HDHD5: variants seen among roughly 807,000 people sequenced by gnomAD.
HDHD5 encodes haloacid dehalogenase-like hydrolase domain-containing 5.
HDHD5 carries 34 observed loss-of-function variants against 35.5 expected under a neutral mutation model. The ratio of observed to expected loss-of-function variants is 0.96; its 90% CI spans 0.73 to 1.28. HDHD5 has a LOEUF of 1.28. Ranked by LOEUF, HDHD5 falls within the 50% of genes most tolerant of loss-of-function variation. The pLI, the probability that HDHD5 is intolerant of heterozygous loss-of-function variation, is 0.00. For missense variants in HDHD5, 589 were observed against 560.2 expected, an observed-to-expected ratio of 1.05 and a Z score of -0.52; for synonymous variants, 248 against 240.6, an observed-to-expected ratio of 1.03 and a Z score of -0.29.
intron 5 of HDHD5, chr22:17,142,786 T>C (rs1409586137): frequency 3.4e-6 from 1 of 297,642 alleles, no homozygotes; most frequent in Non-Finnish European, 6.2e-6. Context: ...ATTCCAATGT[T>C]CTTGGTATAA....
intron 1 of HDHD5, among the ~76,000 whole-genome samples, chr22:17,154,281 G>C (rs995288967): frequency 2.0e-5 from 3 of 151,672 alleles, no homozygotes; most frequent in African/African-American, 7.3e-5. Context: ...TTGGGAGTTC[G>C]AGACCAGCCT....
intron 1 of HDHD5, among the ~76,000 whole-genome samples, chr22:17,153,076 G>C (rs967924313): frequency 6.6e-6 from 1 of 152,190 alleles, no homozygotes; most frequent in Non-Finnish European, 1.5e-5. Context: ...TGGACAAATG[G>C]TGCCTCTAAC....
chr22:17,137,662 AGGCTCTGC>A lies in HDHD5; in HGVS notation c.*351_*358del. On this transcript the variant is annotated 3_prime_UTR_variant, in exon 8 of 8. Coordinates refer to ENST00000336737, the MANE Select transcript of HDHD5 (RefSeq NM_033070.3). ...GGCTGCATGCCTTCAGTGCCGGCAA[AGGCTCTGC>A]ACAGACATCCACAGTATTCCACACT... The A allele has an allele frequency of 4.8e-6, 1 of 210,510 alleles. No individual in the cohort carries two copies. The highest frequency in any genetic ancestry group is 5.4e-5 in the Admixed American group (1 of 18,414). The allele number at this position is 210,510 out of a possible 1,614,324, so 13.0% of individuals were successfully genotyped here.
intron 5 of HDHD5, chr22:17,141,579 C>T: frequency 9.1e-7 from 1 of 1,097,522 alleles, no homozygotes; most frequent in Non-Finnish European, 1.1e-6. Flanking sequence ...TTAGCAAGGG[C>T]TCCTGTTCCC....
chr22:17,145,631 A>G (rs2061654010), intron 3 of HDHD5, among the ~76,000 whole-genome samples: 1 of 152,146 alleles, frequency 6.6e-6, no homozygotes, highest in Non-Finnish European at 1.5e-5. Flanking sequence ...GGTCAAGGCT[A>G]CAGTGAGCTA....
chr22:17,143,167 TC>T, intron 4 of HDHD5, 36 bp from the exon 5 acceptor site: 3 of 1,599,410 alleles, frequency 1.9e-6, no homozygotes, highest in Non-Finnish European at 2.6e-6. Flanking sequence ...TCAACACAAG[TC>T]GCCTTCCACT....
Position 17,138,530 on chromosome 22 carries a change from G to C in HDHD5, c.935+20C>G, listed in dbSNP as rs2123843499. 1.2e-6 allele frequency: 2 copies of C among 1,610,284 alleles called. No individual in the cohort carries two copies. The highest frequency in any genetic ancestry group is 4.5e-5 in the East Asian group (2 of 44,818). ...AAGGGGATGTCATAAAAGGGACAAA[G>C]GAGGGAGAGCAGAGCCTACCCCACA... is the stretch of plus-strand genomic sequence containing the variant. On this transcript the variant is annotated intron_variant, in intron 7 of 7. Coordinates refer to ENST00000336737, the MANE Select transcript of HDHD5 (RefSeq NM_033070.3).
At chr22:17,150,630 T>C (rs923131224) in intron 1 of HDHD5, among the ~76,000 whole-genome samples, 3 of 152,034 alleles carry the variant, frequency 2.0e-5, no homozygotes, top group Non-Finnish European at 4.4e-5. Context: ...GTGATTCTTC[T>C]GCCTCACTCT....
chr22:17,144,531 T>A (rs1283041615), intron 4 of HDHD5, among the ~76,000 whole-genome samples: 6 of 151,256 alleles, frequency 4.0e-5, no homozygotes, highest in African/African-American at 9.7e-5. Context: ...CTCCTGCCTC[T>A]GCCTCCCGAG....
intron 1 of HDHD5, among the ~76,000 whole-genome samples, chr22:17,154,588 G>A (rs1568950014): frequency 1.3e-5 from 2 of 151,198 alleles, no homozygotes; most frequent in African/African-American, 2.4e-5. Flanking sequence ...TACTGGCATC[G>A]TGGTTATGTT....
chr22:17,147,601 G>A (rs1301270062), intron 3 of HDHD5, among the ~76,000 whole-genome samples: 5 of 98,144 alleles, frequency 5.1e-5, no homozygotes, highest in South Asian at 3.6e-4. Context: ...CACCTGTGGC[G>A]CCCTCCTGTG....
chr22:17,142,837 T>G (rs1302266467), intron 5 of HDHD5: 5 of 426,480 alleles, frequency 1.2e-5, no homozygotes, highest in African/African-American at 1.0e-4. Context: ...AACACTAGAC[T>G]AGATCACCTC....
chr22:17,155,243 T>G (rs549012898), intron 1 of HDHD5, among the ~76,000 whole-genome samples: 21 of 151,996 alleles, frequency 1.4e-4, no homozygotes, highest in African/African-American at 5.1e-4. Flanking sequence ...TTTTTTTTTT[T>G]TTTTGTTTGG....
rs575835630 is a variant in HDHD5 at position 17,153,107 on chromosome 22, G to A, written c.127-3362C>T. Among the ~76,000 whole-genome samples the A allele has an allele frequency of 1.1e-4, 16 of 152,304 alleles. No homozygotes were observed. In the South Asian group the frequency reaches 3.1e-3, roughly 30 times the overall value. On this transcript the variant is annotated intron_variant, in intron 1 of 7. Transcript: ENST00000336737. ...CTAACCCTTGGCTTCACAGGCTTAT[G>A]CTGTTGCACCCAGACCTGTCACTGT...
chr22:17,159,673 C>T (rs972539904), upstream of HDHD5: 4 of 316,074 alleles, frequency 1.3e-5, no homozygotes, highest in Non-Finnish European at 1.9e-5. Context: ...ATGTTCAGGT[C>T]CTCTGGGCCC....
chr22:17,154,088 C>T (rs2061757786), intron 1 of HDHD5, among the ~76,000 whole-genome samples: 1 of 151,292 alleles, frequency 6.6e-6, no homozygotes, highest in South Asian at 2.1e-4. Context: ...TCTCCAACTC[C>T]CAACCTCAGG....
upstream of HDHD5, chr22:17,159,695 G>A (rs1254697154): frequency 3.3e-6 from 1 of 304,142 alleles, no homozygotes; most frequent in Admixed American, 5.5e-5. Context: ...TGCCAGTCAA[G>A]GGACGCTCGT....
intron 1 of HDHD5, chr22:17,165,112 T>TA (rs1201619575): frequency 7.0e-6 from 5 of 715,126 alleles, no homozygotes; most frequent in African/African-American, 1.7e-5. Flanking sequence ...AGGGAAGGGA[T>TA]ACATATTTCC....
chr22:17,138,597 C>G lies in HDHD5; in HGVS notation c.888G>C (p.Ala296=). 1 of 1,614,184 alleles carries G rather than the reference C, an allele frequency of 6.2e-7. No homozygotes were observed. The highest frequency in any genetic ancestry group is 2.2e-5 in the East Asian group (1 of 44,882). The change falls in exon 7 of 8, where the codon GCG becomes GCC. Residue 296 remains alanine, a synonymous_variant. Coordinates refer to ENST00000336737, the MANE Select transcript of HDHD5 (RefSeq NM_033070.3). ...QYAEDLIRRQ[A]ERRGWAAPIR... Reference sequence around the variant, plus strand: ...TGGGGGCGGCCCAGCCCCGCCTCTCCGCCTGTCGCCTGATCAGGTCCTCGG... The same window carrying G: ...TGGGGGCGGCCCAGCCCCGCCTCTCGGCCTGTCGCCTGATCAGGTCCTCGG...
Sources: gnomAD v4.1 joint callset for allele counts (sites outside exome capture counted in the v4.1 genomes callset) on GRCh38, gnomAD v4.1.1 for gene constraint, MANE v1.5 for transcripts, NCBI Gene and HGNC (gene_info 2026-07-23, HGNC 2026-07-21) for gene names.